The following SLC35B4 variants were observed in gnomAD, a reference collection of about 807,000 sequenced individuals.
The protein encoded by SLC35B4 is nucleotide sugar transporter SLC35B4.
Under a neutral mutation model 39.5 loss-of-function variants are expected in SLC35B4, and 28 were observed. That is an observed-to-expected ratio of 0.71 (90% CI 0.53 to 0.97). The LOEUF (loss-of-function observed/expected upper bound fraction) is 0.97. Ranked by LOEUF, SLC35B4 falls within the 50% of genes least tolerant of loss-of-function variation. SLC35B4 has a pLI of 0.00. For missense variants in SLC35B4, 334 were observed against 414.3 expected, an observed-to-expected ratio of 0.81 and a Z score of 1.68; for synonymous variants, 145 against 150.4, an observed-to-expected ratio of 0.96 and a Z score of 0.26.
At chr7:134,308,776 C>T (rs1803768726) in intron 2 of SLC35B4, among the ~76,000 whole-genome samples, 1 of 152,122 alleles carries the variant, frequency 6.6e-6, no homozygotes, top group Admixed American at 6.5e-5. Context: ...TAAGAACTGC[C>T]CTGTTTTCTA....
chr7:134,301,884 A>G, intron 5 of SLC35B4, 63 bp from the exon 6 acceptor site: 1 of 1,538,906 alleles, frequency 6.5e-7, no homozygotes, highest in Non-Finnish European at 9.0e-7. Flanking sequence ...GCCGACATAC[A>G]AGGGAAACAT....
At chr7:134,317,084 G>A (rs376107058), upstream of SLC35B4, 30 of 276,472 alleles carry the variant, frequency 1.1e-4, 1 homozygote, top group South Asian at 1.5e-3. Context: ...ACAGGGGGAC[G>A]AGGTGCCCGG....
At position 134,294,986 on chromosome 7, in the gene SLC35B4, G is replaced by A. The variant is rs776081640; in HGVS notation, c.843C>T (p.Leu281=). 4.0e-5 allele frequency: 64 copies of A among 1,614,100 alleles called. No individual in the cohort carries two copies. The Admixed American group carries it at 1.0e-3, about 26-fold the overall frequency. Residue 281 remains leucine, a synonymous_variant, in exon 10 of 10, where the codon CTC becomes CTT. Transcript: ENST00000378509. ...TCTGGAAGTACAAGATGGAAAAGAT[G>A]AGGCTCACAAATTTGCGTAGGGTCA... ...LVVTLRKFVS[L]IFSILYFQNP...
At position 134,295,004 on chromosome 7, in the gene SLC35B4, T is replaced by C. The variant is rs775903407; in HGVS notation, c.825A>G (p.Leu275=). 3.1e-6 allele frequency: 5 copies of C among 1,613,950 alleles called. No individual in the cohort carries two copies. The highest frequency in any genetic ancestry group is 2.2e-5 in the East Asian group (1 of 44,884). Residue 275 remains leucine (L), a synonymous_variant, in exon 10 of 10, where the codon CTA becomes CTG. Coordinates refer to ENST00000378509, the MANE Select transcript of SLC35B4 (RefSeq NM_032826.5). ...AAAAGATGAGGCTCACAAATTTGCG[T>C]AGGGTCACGACGAGCGTGACGGTGA... ...ASLTVTLVVT[L]RKFVSLIFSI...
chr7:134,303,092 T>C (rs1803625320), intron 4 of SLC35B4, among the ~76,000 whole-genome samples: 1 of 152,182 alleles, frequency 6.6e-6, no homozygotes, highest in African/African-American at 2.4e-5. Context: ...GAGCACACTA[T>C]GAACTTGAGG....
At chr7:134,301,734 T>A (rs546421242) in intron 6 of SLC35B4, 27 bp downstream of exon 6, 1 of 1,603,592 alleles carries the variant, frequency 6.2e-7, no homozygotes, top group Middle Eastern at 1.7e-4. Context: ...CAGAGGCAAT[T>A]AGCTTTATTA....
intron 1 of SLC35B4, among the ~76,000 whole-genome samples, chr7:134,316,404 G>A (rs546075857): frequency 5.9e-5 from 9 of 152,340 alleles, no homozygotes; most frequent in African/African-American, 2.2e-4. Context: ...AAGGGGTGAC[G>A]ACAGCAACAC....
At chr7:134,309,506 G>A (rs1803786659) in intron 1 of SLC35B4, 27 bp from the exon 2 acceptor site, 1 of 1,525,796 alleles carries the variant, frequency 6.6e-7, no homozygotes, top group Admixed American at 1.7e-5. Flanking sequence ...AAAAGAGGGG[G>A]TGAAGGCACA....
At chr7:134,316,966 T>A, upstream of SLC35B4, 1 of 566,578 alleles carries the variant, frequency 1.8e-6, no homozygotes, top group Non-Finnish European at 3.1e-6. Context: ...GTCCCATTCA[T>A]CCGAGGGGGC....
At position 134,299,596 on chromosome 7, in the gene SLC35B4, G is replaced by A. The variant is rs745936378; in HGVS notation, c.600C>T (p.His200=). 29 of 1,613,290 alleles carry A rather than the reference G, an allele frequency of 1.8e-5. No individual in the cohort carries two copies. The highest frequency in any genetic ancestry group is 5.0e-5 in the Admixed American group (3 of 60,002). Residue 200 remains histidine (H), a splice_region_variant and synonymous_variant, in exon 8 of 10, where the codon CAC becomes CAT. Transcript: ENST00000378509. ...KHSKEALFYN[H]ALPLPGFVFL... is the part of the protein sequence containing the mutation. Reference sequence around the variant, plus strand: ...AGACGAAACCCGGAAGTGGAAGGGCGTGCTATGGAAAGAAACAGGTCAGAT... The same window carrying A: ...AGACGAAACCCGGAAGTGGAAGGGCATGCTATGGAAAGAAACAGGTCAGAT...
intron 1 of SLC35B4, 152 bp downstream of exon 1, chr7:134,316,523 G>A: frequency 1.3e-6 from 1 of 742,542 alleles, no homozygotes; most frequent in Admixed American, 2.7e-5. Flanking sequence ...TGCCCAGACA[G>A]GACGGATTGC....
At chr7:134,307,955 G>A (rs1344309249) in intron 2 of SLC35B4, among the ~76,000 whole-genome samples, 2 of 152,212 alleles carry the variant, frequency 1.3e-5, no homozygotes, top group African/African-American at 4.8e-5. Flanking sequence ...GTTCTACCTT[G>A]AAGAGGTGCC....
At chr7:134,310,479 C>T (rs1371229346) in intron 1 of SLC35B4, among the ~76,000 whole-genome samples, 2 of 152,048 alleles carry the variant, frequency 1.3e-5, no homozygotes, top group African/African-American at 4.8e-5. Context: ...GTTATCTTTG[C>T]TCTCCTGAAG....
At chr7:134,298,798 C>T (rs1223363744) in intron 8 of SLC35B4, among the ~76,000 whole-genome samples, 4 of 152,178 alleles carry the variant, frequency 2.6e-5, no homozygotes, top group Non-Finnish European at 5.9e-5. Flanking sequence ...TACTGTCATT[C>T]TACAAAATGC....
intron 4 of SLC35B4, among the ~76,000 whole-genome samples, chr7:134,304,249 G>A (rs1459110120): frequency 6.6e-6 from 1 of 151,972 alleles, no homozygotes; most frequent in African/African-American, 2.4e-5. Context: ...AAGTTAGCCG[G>A]GCATGGTGGC....
At chr7:134,302,711 A>G (rs1394744370) in intron 4 of SLC35B4, among the ~76,000 whole-genome samples, 1 of 152,218 alleles carries the variant, frequency 6.6e-6, no homozygotes, top group Non-Finnish European at 1.5e-5. Context: ...ATTTCACATT[A>G]GCTAGTATCA....
chr7:134,304,385 C>T (rs754758253), intron 4 of SLC35B4, among the ~76,000 whole-genome samples: 15 of 151,344 alleles, frequency 9.9e-5, no homozygotes, highest in Non-Finnish European at 2.2e-4. Context: ...AGTGAGACCT[C>T]GTCTCCAAAA....
At chr7:134,296,974 G>A (rs1021542718) in intron 8 of SLC35B4, among the ~76,000 whole-genome samples, 13 of 152,232 alleles carry the variant, frequency 8.5e-5, no homozygotes, top group African/African-American at 2.7e-4. Flanking sequence ...AGGCTGGAGT[G>A]CAGTGGCATG....
upstream of SLC35B4, among the ~76,000 whole-genome samples, chr7:134,318,186 T>C (rs1303890256): frequency 1.3e-5 from 2 of 152,242 alleles, no homozygotes; most frequent in Non-Finnish European, 2.9e-5. Context: ...GGTCTCGCTT[T>C]AGACCTACCA....
Sources: allele counts gnomAD v4.1 joint callset (sites outside exome capture counted in the v4.1 genomes callset), GRCh38; gene constraint gnomAD v4.1.1; transcripts MANE v1.5; gene names NCBI Gene and HGNC (gene_info 2026-07-23, HGNC 2026-07-21).